Variants in NDUFAF2 observed in about 807,000 individuals in gnomAD.
NDUFAF2 encodes NADH:ubiquinone oxidoreductase complex assembly factor 2, also known as NADH dehydrogenase [ubiquinone] 1 alpha subcomplex assembly factor 2.
Under a neutral mutation model 22.8 loss-of-function variants are expected in NDUFAF2, and 13 were observed. The observed-to-expected ratio is 0.57, with a 90% CI of 0.37 to 0.91. The LOEUF is 0.91. Ranked by LOEUF, NDUFAF2 falls within the 40% of genes least tolerant of loss-of-function variation. The probability of loss-of-function intolerance (pLI) is 0.01; values close to 1 mark genes in which losing one functional copy is unlikely to be tolerated. For missense variants in NDUFAF2, 162 were observed against 195.2 expected (o/e 0.83, Z 1.01); for synonymous variants, 53 against 64.2 (o/e 0.83, Z 0.84).
chr5:61,038,246 A>C (rs1751825734), intron 1 of NDUFAF2, among the ~76,000 whole-genome samples: 1 of 152,182 alleles, frequency 6.6e-6, no homozygotes, highest in African/African-American at 2.4e-5. Flanking sequence ...TCTAAAAGAC[A>C]TTTGAGAAGA....
intron 3 of NDUFAF2, among the ~76,000 whole-genome samples, chr5:61,112,589 T>G (rs1187914978): frequency 3.3e-5 from 5 of 152,220 alleles, no homozygotes; most frequent in Non-Finnish European, 7.3e-5. Context: ...TCTTTTTTGA[T>G]TTCCATTTGC....
intron 1 of NDUFAF2, among the ~76,000 whole-genome samples, chr5:61,034,394 C>T (rs780389962): frequency 2.6e-5 from 4 of 152,076 alleles, no homozygotes; most frequent in Non-Finnish European, 5.9e-5. Context: ...TGCCCCTGTA[C>T]AACGTGATAC....
Position 61,088,072 on chromosome 5 carries a change from T to C in NDUFAF2, c.218-10920T>C, listed in dbSNP as rs1752524901. The stretch of plus-strand genomic sequence containing the variant: ...TCTACCATCCCACTTGTGTGGTTGT[T>C]GGCAGCATTCAGTTCATTGCTGTTG... On this transcript the variant is annotated intron_variant, in intron 2 of 3. Transcript: ENST00000296597. Among the ~76,000 whole-genome samples the C allele has an allele frequency of 2.6e-5, 4 of 152,206 alleles. No homozygotes were observed. The South Asian group carries it at 8.3e-4, about 31-fold the overall frequency.
chr5:61,126,708 T>A (rs1753040013), intron 3 of NDUFAF2, among the ~76,000 whole-genome samples: 1 of 151,978 alleles, frequency 6.6e-6, no homozygotes, highest in South Asian at 2.1e-4. Context: ...ATAAGTCCAG[T>A]GACATATTCA....
At chr5:61,005,080 C>T (rs1456449876) in intron 1 of NDUFAF2, among the ~76,000 whole-genome samples, 1 of 152,064 alleles carries the variant, frequency 6.6e-6, no homozygotes, top group Admixed American at 6.6e-5. Context: ...AATGCTATCC[C>T]TCCCTGCTCC....
At chr5:61,109,989 T>A (rs1282644374) in intron 3 of NDUFAF2, among the ~76,000 whole-genome samples, 1 of 152,222 alleles carries the variant, frequency 6.6e-6, no homozygotes, top group Non-Finnish European at 1.5e-5. Flanking sequence ...GGTATGTTCC[T>A]TCTATACTCA....
intron 1 of NDUFAF2, among the ~76,000 whole-genome samples, chr5:61,032,030 G>A (rs893461377): frequency 9.2e-5 from 14 of 152,148 alleles, no homozygotes; most frequent in African/African-American, 3.4e-4. Flanking sequence ...GTCTTCTTTT[G>A]AGAAGTGTCT....
intron 1 of NDUFAF2, among the ~76,000 whole-genome samples, chr5:61,024,859 A>C (rs533904887): frequency 6.6e-6 from 1 of 152,128 alleles, no homozygotes; most frequent in Admixed American, 6.6e-5. Flanking sequence ...ATCATACTAC[A>C]TATCAGCCTT....
At chr5:61,041,196 G>T (rs549053794) in intron 1 of NDUFAF2, among the ~76,000 whole-genome samples, 60 of 152,162 alleles carry the variant, frequency 3.9e-4, no homozygotes, top group African/African-American at 1.4e-3. Context: ...AACTTTAAAG[G>T]ATTGGATTAT....
At chr5:61,001,512 G>A (rs1751295056) in intron 1 of NDUFAF2, among the ~76,000 whole-genome samples, 1 of 151,978 alleles carries the variant, frequency 6.6e-6, no homozygotes, top group African/African-American at 2.4e-5. Flanking sequence ...CCCCACCTAT[G>A]CTATTCTAAT....
intron 1 of NDUFAF2, among the ~76,000 whole-genome samples, chr5:60,958,439 A>G (rs950687034): frequency 2.0e-5 from 3 of 152,150 alleles, no homozygotes; most frequent in South Asian, 2.1e-4. Flanking sequence ...GCTACTTATA[A>G]TCTTCCAATC....
chr5:61,078,454 G>A (rs1752396560), intron 2 of NDUFAF2, among the ~76,000 whole-genome samples: 2 of 152,052 alleles, frequency 1.3e-5, no homozygotes, highest in South Asian at 4.1e-4. Context: ...ACATATAGAA[G>A]ATTTGATCAG....
chr5:61,051,364 A>G (rs1293995077), intron 1 of NDUFAF2, among the ~76,000 whole-genome samples: 2 of 152,160 alleles, frequency 1.3e-5, no homozygotes, highest in Non-Finnish European at 2.9e-5. Context: ...GTTCCTAACC[A>G]TCTGACCCCT....
chr5:61,126,644 G>C (rs1753038995), intron 3 of NDUFAF2, among the ~76,000 whole-genome samples: 1 of 151,990 alleles, frequency 6.6e-6, no homozygotes, highest in South Asian at 2.1e-4. Flanking sequence ...TTTCACACCA[G>C]AATAATACTT....
chr5:60,967,135 T>C (rs553210455), intron 1 of NDUFAF2, among the ~76,000 whole-genome samples: 1 of 152,126 alleles, frequency 6.6e-6, no homozygotes, highest in Non-Finnish European at 1.5e-5. Context: ...GATTTTTTTA[T>C]TCTTTTATTG....
At chr5:61,078,218 G>C (rs12517192) in intron 2 of NDUFAF2, among the ~76,000 whole-genome samples, 6,973 of 152,012 alleles carry the variant, frequency 0.046, 213 homozygotes, top group Non-Finnish European at 0.069. Context: ...AGATTTTTTA[G>C]AATAGGATCC....
At chr5:60,983,840 C>T (rs1751027786) in intron 1 of NDUFAF2, among the ~76,000 whole-genome samples, 1 of 152,100 alleles carries the variant, frequency 6.6e-6, no homozygotes, top group Admixed American at 6.5e-5. Context: ...AGCATGATGC[C>T]TCCAGCTTTG....
At chr5:60,966,701 G>A (rs1750762226) in intron 1 of NDUFAF2, among the ~76,000 whole-genome samples, 1 of 151,974 alleles carries the variant, frequency 6.6e-6, no homozygotes, top group African/African-American at 2.4e-5. Flanking sequence ...ATCCTATTCT[G>A]TCCCAGTGGT....
At chr5:61,064,667 T>G (rs758994993) in intron 1 of NDUFAF2, among the ~76,000 whole-genome samples, 1 of 152,048 alleles carries the variant, frequency 6.6e-6, no homozygotes, top group Non-Finnish European at 1.5e-5. Flanking sequence ...GAGAAATTTC[T>G]AAAATGTCTT....
Sources: allele counts gnomAD v4.1 joint callset (sites outside exome capture counted in the v4.1 genomes callset), GRCh38; gene constraint gnomAD v4.1.1; transcripts MANE v1.5; gene names NCBI Gene and HGNC (gene_info 2026-07-23, HGNC 2026-07-21).